Variants in ROBO2 observed in about 807,000 individuals in gnomAD.
ROBO2 encodes roundabout guidance receptor 2.
Under a neutral mutation model 160.8 loss-of-function variants are expected in ROBO2, and 53 were observed. The ratio of observed to expected loss-of-function variants is 0.33; its 90% CI spans 0.26 to 0.41. The LOEUF (loss-of-function observed/expected upper bound fraction) is 0.41. ROBO2 is among the 10% of genes least tolerant of loss of function. The probability of loss-of-function intolerance (pLI) is 1.00; values close to 1 mark genes in which losing one functional copy is unlikely to be tolerated. For synonymous variants in ROBO2, 664 were observed against 611.7 expected (o/e 1.09, Z -1.26); for missense variants, 1,577 against 1,722.4 (o/e 0.92, Z 1.49).
chr3:76,789,627 C>T (rs915420833), intron 2 of ROBO2, among the ~76,000 whole-genome samples: 2 of 151,588 alleles, frequency 1.3e-5, no homozygotes, highest in Non-Finnish European at 3.0e-5. Context: ...TTTCTTTTTT[C>T]AAAGAAGCTG....
chr3:77,098,034 G>C (rs747792228), exon 2 of ROBO2: 4 of 1,577,054 alleles, frequency 2.5e-6, no homozygotes, highest in Non-Finnish European at 3.5e-6. Flanking sequence ...TCGCCAGGAG[G>C]ACTTTCCCCC....
intron 2 of ROBO2, among the ~76,000 whole-genome samples, chr3:76,828,436 T>C (rs1576890904): frequency 6.6e-6 from 1 of 152,158 alleles, no homozygotes; most frequent in African/African-American, 2.4e-5. Flanking sequence ...TATAGAATTA[T>C]TTTTTCACTT....
At chr3:76,225,877 T>G (rs530537940) in intron 2 of ROBO2, among the ~76,000 whole-genome samples, 29 of 152,308 alleles carry the variant, frequency 1.9e-4, no homozygotes, top group African/African-American at 7.0e-4. Context: ...CATTGCAAGA[T>G]ACATTAACTC....
At chr3:77,288,913 G>C (rs1164982950) in intron 2 of ROBO2, among the ~76,000 whole-genome samples, 1 of 140,408 alleles carries the variant, frequency 7.1e-6, no homozygotes, top group Non-Finnish European at 1.5e-5. Context: ...AAAGTTAGAA[G>C]TAAAGTTGTC....
At chr3:77,214,011 T>A (rs2084563709) in intron 2 of ROBO2, among the ~76,000 whole-genome samples, 2 of 152,216 alleles carry the variant, frequency 1.3e-5, no homozygotes, top group Admixed American at 1.3e-4. Flanking sequence ...ATGTGGTCAA[T>A]TTTGGAATAG....
At chr3:77,056,481 C>T (rs958661119) in intron 1 of ROBO2, among the ~76,000 whole-genome samples, 1 of 151,886 alleles carries the variant, frequency 6.6e-6, no homozygotes, top group African/African-American at 2.4e-5. Flanking sequence ...AAGAAGACAC[C>T]GTACTGTATA....
At chr3:77,125,074 T>C (rs1032432292) in intron 2 of ROBO2, among the ~76,000 whole-genome samples, 1 of 152,170 alleles carries the variant, frequency 6.6e-6, no homozygotes, top group African/African-American at 2.4e-5. Context: ...TTTTAAGATA[T>C]ATAATTTAAA....
chr3:77,398,406 C>A (rs115542937), intron 2 of ROBO2, among the ~76,000 whole-genome samples: 63,950 of 151,580 alleles, frequency 0.42, 14,539 homozygotes, highest in African/African-American at 0.6. Flanking sequence ...TTGAAACAAT[C>A]AGAGAGATAC....
At chr3:77,130,113 T>G (rs79031661) in intron 2 of ROBO2, among the ~76,000 whole-genome samples, 1,649 of 152,290 alleles carry the variant, frequency 0.011, 34 homozygotes, top group African/African-American at 0.038. Context: ...ATGGTTGACA[T>G]TGAGTTCTTC....
At position 76,309,390 on chromosome 3, in the gene ROBO2, C is replaced by T. The variant is rs1482229966; in HGVS notation, c.109+371788C>T. Among the ~76,000 whole-genome samples, 5 of 152,254 alleles carry T rather than the reference C, an allele frequency of 3.3e-5. 1 individual carries two copies. The South Asian group carries it at 6.2e-4, about 19-fold the overall frequency. Reference sequence around the variant, plus strand: ...AAGTTTTCAAATTGAAAGTTGAATACAGGGTGATTATTGTTTCTAAACTAA... The same window carrying T: ...AAGTTTTCAAATTGAAAGTTGAATATAGGGTGATTATTGTTTCTAAACTAA... On this transcript the variant is annotated intron_variant, in intron 2 of 26. Transcript: ENST00000487694.
intron 2 of ROBO2, among the ~76,000 whole-genome samples, chr3:76,359,103 C>G (rs573084377): frequency 6.6e-6 from 1 of 151,962 alleles, no homozygotes; most frequent in African/African-American, 2.4e-5. Context: ...GACATGAGCT[C>G]ATCAGTTTTT....
intron 24 of ROBO2, among the ~76,000 whole-genome samples, chr3:77,637,664 T>C: frequency 6.6e-6 from 1 of 152,204 alleles, no homozygotes; most frequent in Non-Finnish European, 1.5e-5. Flanking sequence ...TAGTAATTGA[T>C]AATTTTGTAT....
chr3:77,145,594 A>G (rs1283187853), intron 2 of ROBO2, among the ~76,000 whole-genome samples: 2 of 152,178 alleles, frequency 1.3e-5, no homozygotes, highest in Non-Finnish European at 2.9e-5. Flanking sequence ...TAAGCAAACT[A>G]TAGAACTATG....
intron 2 of ROBO2, among the ~76,000 whole-genome samples, chr3:76,734,045 CCCATTCATGAGGG>C (rs1392906642): frequency 2.0e-5 from 3 of 152,120 alleles, no homozygotes; most frequent in African/African-American, 7.2e-5. Context: ...GGGAACTAAT[CCCATTCATGAGGG>C]CCTCATCCTC....
chr3:77,433,486 GTATATATATA>G lies in ROBO2; in HGVS notation c.389-43904_389-43895del, dbSNP rs57475227. On this transcript the variant is annotated intron_variant, in intron 2 of 25. Coordinates refer to ENST00000461745, the Ensembl canonical transcript of ROBO2. ...GATTTTCCTTCTTCTCTGGCAACTT[GTATATATATA>G]TATATATATATATATATATATATTT... Among the ~76,000 whole-genome samples the G allele has an allele frequency of 7.9e-4, 79 of 99,414 alleles. 3 individuals carry two copies. Among genetic ancestry groups the G allele is most frequent in the Middle Eastern group, 0.012 (2 of 164 alleles). 65.2% of individuals were successfully genotyped at this position (99,414 alleles called of 152,430 possible).
chr3:77,140,156 T>G (rs929531371), intron 2 of ROBO2, among the ~76,000 whole-genome samples: 1 of 152,254 alleles, frequency 6.6e-6, no homozygotes, highest in Admixed American at 6.5e-5. Flanking sequence ...CAAATGCTTC[T>G]GTTAACAACA....
chr3:77,292,886 G>A (rs1221156775), intron 2 of ROBO2, among the ~76,000 whole-genome samples: 2 of 151,254 alleles, frequency 1.3e-5, no homozygotes, highest in African/African-American at 2.4e-5. Flanking sequence ...TAAAATTGAC[G>A]ATTAAACGGT....
At chr3:76,666,055 C>G (rs562098718) in intron 2 of ROBO2, among the ~76,000 whole-genome samples, 1 of 140,786 alleles carries the variant, frequency 7.1e-6, no homozygotes, top group African/African-American at 2.6e-5. Flanking sequence ...AGATATATGC[C>G]TCTAAATATG....
At chr3:77,299,924 A>G (rs1289718144) in intron 2 of ROBO2, among the ~76,000 whole-genome samples, 1 of 152,146 alleles carries the variant, frequency 6.6e-6, no homozygotes, top group Non-Finnish European at 1.5e-5. Context: ...GGGTAACAGG[A>G]GGGAAGACAG....
Sources: allele counts gnomAD v4.1 joint callset (sites outside exome capture counted in the v4.1 genomes callset), GRCh38; gene constraint gnomAD v4.1.1; transcripts MANE v1.5; gene names NCBI Gene and HGNC (gene_info 2026-07-23, HGNC 2026-07-21).